The following CCR3 variants were observed in gnomAD, a reference collection of about 807,000 sequenced individuals.
CCR3 encodes C-C motif chemokine receptor 3.
For synonymous variants in CCR3, 203 were observed against 179.2 expected (o/e 1.13, Z -1.06); for missense variants, 419 against 437.5 (o/e 0.96, Z 0.38).
intron 2 of CCR3, among the ~76,000 whole-genome samples, chr3:46,237,126 C>T (rs1251160914): frequency 6.6e-6 from 1 of 152,186 alleles, no homozygotes; most frequent in Non-Finnish European, 1.5e-5. Context: ...CATTGATGAA[C>T]ACTTAGGTTG....
At chr3:46,256,767 G>T (rs1368496505) in intron 1 of CCR3, among the ~76,000 whole-genome samples, 5 of 152,206 alleles carry the variant, frequency 3.3e-5, no homozygotes, top group Admixed American at 3.3e-4. Context: ...ATAAACTGTA[G>T]TCATCTGAAA....
At chr3:46,214,368 C>T (rs1447633513) in intron 2 of CCR3, among the ~76,000 whole-genome samples, 1 of 152,182 alleles carries the variant, frequency 6.6e-6, no homozygotes, top group African/African-American at 2.4e-5. Context: ...CCCATCCCTT[C>T]CGCTTGTGCA....
Position 46,265,810 on chromosome 3 carries a change from T to G in CCR3, c.652T>G (p.Cys218Gly), listed in dbSNP as rs1178672883. ...TCTCCCTCTGCTCGTTATGGCCATCTGCTACACAGGAATCATCAAAACGCT... is the reference window on the plus strand; with the variant it reads ...TCTCCCTCTGCTCGTTATGGCCATCGGCTACACAGGAATCATCAAAACGCT... ...LVLPLLVMAI[C>G]YTGIIKTLLR... The change falls in exon 2 of 2, where the codon TGC becomes GGC. Residue 218 changes from cysteine to glycine, a missense_variant. By Grantham distance (159) the Cys-to-Gly change is radical. Transcript: ENST00000395940. The G allele has an allele frequency of 1.2e-6, 2 of 1,613,924 alleles. No homozygotes were observed. The highest frequency in any genetic ancestry group is 2.7e-5 in the African/African-American group (2 of 74,930).
At chr3:46,264,329 A>G in intron 1 of CCR3, 3 of 969,034 alleles carry the variant, frequency 3.1e-6, no homozygotes, top group Non-Finnish European at 4.8e-6. Context: ...AATTATTGTA[A>G]TAGTTAATTA....
Position 46,219,041 on chromosome 3 carries a change from G to A in CCR3, c.-68+8134G>A, listed in dbSNP as rs41493547. On this transcript the variant is annotated intron_variant, in intron 2 of 3. Coordinates refer to the CCR3 transcript ENST00000357422. ...TTAGTAATGAAGAAGTCAAACTGTC[G>A]CTGTTTGCCCATGATATGATCACAT... is the stretch of plus-strand genomic sequence containing the variant. Among the ~76,000 whole-genome samples, 905 of 152,108 alleles carry A rather than the reference G, an allele frequency of 5.9e-3. 12 individuals are homozygous for A. Among genetic ancestry groups the A allele is most frequent in the African/African-American group, 0.02 (835 of 41,502 alleles).
In CCR3 at chr3:46,265,176, T is replaced by C. The variant is rs935219079; in HGVS notation, c.18T>C (p.Asp6=). The C allele has an allele frequency of 1.9e-6, 3 of 1,612,456 alleles. No homozygotes were observed. The highest frequency in any genetic ancestry group is 2.5e-6 in the Non-Finnish European group (3 of 1,178,776). Residue 6 remains aspartate, a synonymous_variant, in exon 2 of 2, where the codon GAT becomes GAC. Coordinates refer to ENST00000395940, the MANE Select transcript of CCR3 (RefSeq NM_178329.3). MTTSL[D]TVETFGTTSY... is the part of the protein sequence containing the mutation. ...GAAGTGAAATGACAACCTCACTAGA[T>C]ACAGTTGAGACCTTTGGTACCACAT...
intron 2 of CCR3, among the ~76,000 whole-genome samples, chr3:46,227,317 T>C (rs1223331912): frequency 1.5e-5 from 2 of 133,404 alleles, no homozygotes; most frequent in Non-Finnish European, 3.1e-5. Context: ...TTTTAATGGC[T>C]GAAGAAGCTG....
chr3:46,253,070 G>A (rs950514151), intron 1 of CCR3, among the ~76,000 whole-genome samples: 1 of 151,990 alleles, frequency 6.6e-6, no homozygotes, highest in Non-Finnish European at 1.5e-5. Context: ...ATTGTTCAGG[G>A]TTATAAGCTG....
Position 46,266,158 on chromosome 3 carries a change from G to A in CCR3, c.1000G>A (p.Glu334Lys). The A allele has an allele frequency of 6.2e-7, 1 of 1,614,048 alleles. No homozygotes were observed. Among genetic ancestry groups the A allele is most frequent in the Non-Finnish European group, 8.5e-7 (1 of 1,179,992 alleles). Residue 334 changes from glutamate to lysine, a missense_variant, in exon 2 of 2, where the codon GAG becomes AAG. Coordinates refer to ENST00000395940, the MANE Select transcript of CCR3 (RefSeq NM_178329.3). ...LGRYIPFLPS[E>K]KLERTSSVSP... ...CAGATACATCCCATTCCTTCCTAGT[G>A]AGAAGCTGGAAAGAACCAGCTCTGT...
chr3:46,216,531 G>C (rs1384143738), intron 2 of CCR3, among the ~76,000 whole-genome samples: 1 of 152,114 alleles, frequency 6.6e-6, no homozygotes, highest in Non-Finnish European at 1.5e-5. Flanking sequence ...CATCATCTAG[G>C]CACCTAGTCA....
chr3:46,231,081 C>T (rs574769381), intron 2 of CCR3, among the ~76,000 whole-genome samples: 4 of 152,200 alleles, frequency 2.6e-5, no homozygotes, highest in African/African-American at 7.2e-5. Flanking sequence ...CACACCATCA[C>T]ACCCAGCTAA....
chr3:46,236,397 C>T (rs1057495587), intron 2 of CCR3, among the ~76,000 whole-genome samples: 1 of 152,256 alleles, frequency 6.6e-6, no homozygotes, highest in African/African-American at 2.4e-5. Flanking sequence ...ATGGGCTCTG[C>T]TCCACCAGCC....
chr3:46,213,186 C>T (rs1699736890), intron 2 of CCR3, among the ~76,000 whole-genome samples: 1 of 152,120 alleles, frequency 6.6e-6, no homozygotes, highest in Non-Finnish European at 1.5e-5. Context: ...ATCACAGTGA[C>T]ATTTTTTCTC....
chr3:46,225,026 T>C (rs1699878891), intron 2 of CCR3, among the ~76,000 whole-genome samples: 1 of 152,204 alleles, frequency 6.6e-6, no homozygotes, highest in South Asian at 2.1e-4. Flanking sequence ...AGTCTCAAAC[T>C]GATAGTCCAA....
intron 2 of CCR3, among the ~76,000 whole-genome samples, chr3:46,217,704 T>C (rs1176744689): frequency 6.6e-6 from 1 of 152,024 alleles, no homozygotes; most frequent in Non-Finnish European, 1.5e-5. Context: ...AATAATCTGC[T>C]CCCAAATGAT....
At chr3:46,243,399 T>A (rs1463399160) in intron 1 of CCR3, among the ~76,000 whole-genome samples, 1 of 152,162 alleles carries the variant, frequency 6.6e-6, no homozygotes, top group Non-Finnish European at 1.5e-5. Context: ...ATTAAGTATG[T>A]ATGTGTGGAA....
intron 1 of CCR3, among the ~76,000 whole-genome samples, chr3:46,244,379 C>T (rs1015993764): frequency 2.6e-5 from 4 of 152,154 alleles, no homozygotes; most frequent in East Asian, 1.9e-4. Flanking sequence ...CTTTCATGCG[C>T]GTCCGTGTGA....
chr3:46,259,665 A>C (rs1700487541), intron 1 of CCR3, among the ~76,000 whole-genome samples: 1 of 152,196 alleles, frequency 6.6e-6, no homozygotes, highest in Admixed American at 6.6e-5. Flanking sequence ...GAGAGAATAA[A>C]TTCCTTTGAG....
At chr3:46,251,580 C>T (rs952839839) in intron 1 of CCR3, among the ~76,000 whole-genome samples, 3 of 152,066 alleles carry the variant, frequency 2.0e-5, no homozygotes, top group African/African-American at 4.8e-5. Context: ...CAAGGGAGGT[C>T]CCACAATCCG....
Sources: gnomAD v4.1 joint callset for allele counts (sites outside exome capture counted in the v4.1 genomes callset) on GRCh38, gnomAD v4.1.1 for gene constraint, MANE v1.5 for transcripts, NCBI Gene and HGNC (gene_info 2026-07-23, HGNC 2026-07-21) for gene names.